The following FAM81A variants were observed in gnomAD, a reference collection of about 807,000 sequenced individuals.
FAM81A encodes protein FAM81A.
FAM81A carries 19 observed loss-of-function variants against 46.7 expected under a neutral mutation model. The observed-to-expected ratio is 0.41, with a 90% CI of 0.28 to 0.60. The LOEUF (loss-of-function observed/expected upper bound fraction) is 0.60. Among genes scored for constraint, FAM81A ranks in the 20% least tolerant of loss-of-function variants. The pLI is 0.34. For missense variants in FAM81A, 377 were observed against 453.5 expected (o/e 0.83, Z 1.53); for synonymous variants, 183 against 152.9 (o/e 1.20, Z -1.45).
chr15:59,446,214 G>A (rs531219410), intron 1 of FAM81A, among the ~76,000 whole-genome samples: 5 of 152,200 alleles, frequency 3.3e-5, no homozygotes, highest in Admixed American at 2.6e-4. Flanking sequence ...AATCCAGAAA[G>A]GTTCAAATAA....
At chr15:59,479,079 C>T (rs2081811588) in intron 3 of FAM81A, among the ~76,000 whole-genome samples, 1 of 152,244 alleles carries the variant, frequency 6.6e-6, no homozygotes, top group African/African-American at 2.4e-5. Flanking sequence ...GGCCCAAGCA[C>T]ACAGGCCTCT....
intron 1 of FAM81A, chr15:59,401,976 T>C (rs1380343065): frequency 1.4e-6 from 1 of 699,876 alleles, no homozygotes; most frequent in Non-Finnish European, 2.6e-6. Flanking sequence ...GTGTTTACAG[T>C]GTAATTCAAT....
At chr15:59,430,039 A>G (rs1258114917) in intron 2 of FAM81A, among the ~76,000 whole-genome samples, 2 of 152,208 alleles carry the variant, frequency 1.3e-5, no homozygotes, top group African/African-American at 4.8e-5. Context: ...AACCAAAACA[A>G]TAAAAAAGAA....
intron 4 of FAM81A, among the ~76,000 whole-genome samples, chr15:59,495,087 A>G (rs2082020212): frequency 6.6e-6 from 1 of 152,114 alleles, no homozygotes; most frequent in Non-Finnish European, 1.5e-5. Context: ...CAATTCAGTG[A>G]TTTTTAGTGT....
chr15:59,520,689 C>G (rs1298716336), intron 8 of FAM81A, among the ~76,000 whole-genome samples: 3 of 151,800 alleles, frequency 2.0e-5, no homozygotes, highest in African/African-American at 7.3e-5. Context: ...CTCAGCCTCC[C>G]GAGTAGCTGG....
intron 3 of FAM81A, among the ~76,000 whole-genome samples, chr15:59,482,519 T>C (rs2081866047): frequency 6.6e-6 from 1 of 152,226 alleles, no homozygotes. Flanking sequence ...TCCACCTGCC[T>C]TGACCTCCCA....
intron 2 of FAM81A, among the ~76,000 whole-genome samples, chr15:59,415,853 T>C (rs1387442016): frequency 6.6e-6 from 1 of 152,180 alleles, no homozygotes; most frequent in African/African-American, 2.4e-5. Flanking sequence ...CTCTTGCTAC[T>C]AAAACCATTC....
chr15:59,414,614 T>C (rs527823246), intron 2 of FAM81A, among the ~76,000 whole-genome samples: 1 of 152,144 alleles, frequency 6.6e-6, no homozygotes, highest in African/African-American at 2.4e-5. Context: ...CCCTAGCTGA[T>C]GAAACTCCTG....
chr15:59,472,117 A>G (rs1195969511), intron 3 of FAM81A, among the ~76,000 whole-genome samples: 1 of 152,030 alleles, frequency 6.6e-6, no homozygotes, highest in Non-Finnish European at 1.5e-5. Context: ...CTTTTTAGCT[A>G]AAGGGGGTTG....
intron 8 of FAM81A, among the ~76,000 whole-genome samples, chr15:59,518,293 A>G (rs1222675818): frequency 6.6e-6 from 1 of 151,158 alleles, no homozygotes; most frequent in Non-Finnish European, 1.5e-5. Context: ...ATGCCTTTTT[A>G]CCCCTTTATT....
At chr15:59,478,848 C>T (rs1301528415) in intron 3 of FAM81A, among the ~76,000 whole-genome samples, 3 of 152,156 alleles carry the variant, frequency 2.0e-5, no homozygotes. Context: ...TCTTTGAGGA[C>T]CTGATCATGT....
intron 2 of FAM81A, among the ~76,000 whole-genome samples, chr15:59,403,516 C>T (rs762269536): frequency 2.6e-5 from 4 of 152,158 alleles, no homozygotes; most frequent in South Asian, 2.1e-4. Flanking sequence ...CTTCCAGCCT[C>T]GAACTGGGAG....
chr15:59,423,621 CTT>C (rs1368520050), intron 2 of FAM81A, among the ~76,000 whole-genome samples: 1 of 152,124 alleles, frequency 6.6e-6, no homozygotes, highest in Admixed American at 6.5e-5. Flanking sequence ...AACGTAAACT[CTT>C]AGGAAGCAAT....
intron 2 of FAM81A, among the ~76,000 whole-genome samples, chr15:59,427,479 G>A (rs1419370861): frequency 2.0e-5 from 3 of 151,884 alleles, no homozygotes; most frequent in African/African-American, 7.3e-5. Context: ...TTACCCTGTT[G>A]TGCTATGAAA....
intron 4 of FAM81A, among the ~76,000 whole-genome samples, chr15:59,492,616 T>C (rs1048064003): frequency 6.6e-6 from 1 of 152,078 alleles, no homozygotes; most frequent in East Asian, 1.9e-4. Context: ...TGGGAAGAAA[T>C]GATGGGAGAA....
chr15:59,485,316 T>G (rs1311257157), intron 3 of FAM81A, among the ~76,000 whole-genome samples: 4 of 152,186 alleles, frequency 2.6e-5, no homozygotes, highest in African/African-American at 9.7e-5. Context: ...CAAGATTCGG[T>G]GCTGTGCTGG....
chr15:59,415,095 C>A (rs1253163887), intron 2 of FAM81A, among the ~76,000 whole-genome samples: 1 of 150,472 alleles, frequency 6.6e-6, no homozygotes, highest in Non-Finnish European at 1.5e-5. Flanking sequence ...GGATTACAGG[C>A]GTGAGCCACC....
intron 2 of FAM81A, among the ~76,000 whole-genome samples, chr15:59,430,212 C>T (rs1271872357): frequency 6.7e-6 from 1 of 148,702 alleles, no homozygotes; most frequent in Non-Finnish European, 1.5e-5. Flanking sequence ...AGTGATGTCA[C>T]TTCCACCCTT....
intron 2 of FAM81A, among the ~76,000 whole-genome samples, chr15:59,421,418 A>T (rs1675806995): frequency 6.6e-6 from 1 of 152,168 alleles, no homozygotes; most frequent in Non-Finnish European, 1.5e-5. Context: ...GAAAATGGGC[A>T]GCTTAGCGTA....
Sources: allele counts gnomAD v4.1 joint callset (sites outside exome capture counted in the v4.1 genomes callset), GRCh38; gene constraint gnomAD v4.1.1; transcripts MANE v1.5; gene names NCBI Gene and HGNC (gene_info 2026-07-23, HGNC 2026-07-21).